ADPRHL1: variants seen among roughly 807,000 people sequenced by gnomAD.
The protein encoded by ADPRHL1 is inactive ADP-ribosyltransferase ARH2.
Under a neutral mutation model 44.1 loss-of-function variants are expected in ADPRHL1, and 43 were observed. The ratio of observed to expected loss-of-function variants is 0.98; its 90% CI spans 0.76 to 1.26. ADPRHL1 has a LOEUF of 1.26. Ranked by LOEUF, ADPRHL1 falls within the 50% of genes most tolerant of loss-of-function variation. The probability of loss-of-function intolerance (pLI) is 0.00; values close to 1 mark genes in which losing one functional copy is unlikely to be tolerated. For missense variants in ADPRHL1, 2,022 were observed against 2,496.9 expected (o/e 0.81, Z 4.05); for synonymous variants, 878 against 1,017.4 (o/e 0.86, Z 2.61).
intron 4 of ADPRHL1, among the ~76,000 whole-genome samples, chr13:113,428,191 C>A (rs2043980546): frequency 7.0e-6 from 1 of 142,592 alleles, no homozygotes; most frequent in Admixed American, 7.7e-5. Flanking sequence ...TTGCAGTGAG[C>A]TGAGATTGCA....
intron 4 of ADPRHL1, among the ~76,000 whole-genome samples, chr13:113,428,685 C>T (rs113796115): frequency 4.6e-5 from 7 of 152,238 alleles, no homozygotes; most frequent in Non-Finnish European, 1.0e-4. Context: ...CGGGTGGACC[C>T]GCCGGAGGCA....
intron 2 of ADPRHL1, among the ~76,000 whole-genome samples, chr13:113,437,654 C>A (rs1417543175): frequency 6.6e-6 from 1 of 152,204 alleles, no homozygotes; most frequent in Non-Finnish European, 1.5e-5. Context: ...CTTTTTATGG[C>A]TGAATAGCTC....
intron 1 of ADPRHL1, among the ~76,000 whole-genome samples, chr13:113,451,783 G>A (rs1165587964): frequency 6.6e-6 from 1 of 151,912 alleles, no homozygotes; most frequent in Non-Finnish European, 1.5e-5. Context: ...ACTCCAGCCT[G>A]GGCGATGGAG....
At chr13:113,421,338 C>CG (rs1300707775) in intron 7 of ADPRHL1, among the ~76,000 whole-genome samples, 7 of 144,724 alleles carry the variant, frequency 4.8e-5, no homozygotes, top group Non-Finnish European at 1.1e-4. Context: ...CGCCCACCCC[C>CG]GGGACACGCC....
rs1448593075 is a variant in ADPRHL1, at chr13:113,406,092, C to T, written c.3190G>A (p.Gly1064Ser). 9.7e-6 allele frequency: 12 copies of T among 1,232,022 alleles called. No homozygotes were observed. The highest frequency in any genetic ancestry group is 4.1e-5 in the South Asian group (1 of 24,324). 76.3% of individuals were successfully genotyped at this position (1,232,022 alleles called of 1,614,324 possible). A position where few individuals can be genotyped will look rare whatever the true frequency, so the allele number is the denominator to read the frequency against. ...GGCCTTCTGCATTCCTCCAGCGCAC[C>T]GGGCACTGTCATGCCCATCGGGGTG... The part of the protein sequence containing the change: ...GVTPMGMTVP[G>S]ALEECRRPLL... Residue 1064 changes from glycine to serine, a missense_variant, in exon 8 of 8, where the codon GGT (glycine) becomes AGT (serine). Transcript: ENST00000612156.
chr13:113,433,555 G>A (rs184308033), intron 3 of ADPRHL1, among the ~76,000 whole-genome samples, 187 bp downstream of exon 3: 17 of 152,252 alleles, frequency 1.1e-4, no homozygotes, highest in African/African-American at 3.4e-4. Context: ...CCAGTGTCCC[G>A]GGCAGGGCGC....
chr13:113,442,743 A>G (rs2044107762), intron 2 of ADPRHL1, among the ~76,000 whole-genome samples: 1 of 152,130 alleles, frequency 6.6e-6, no homozygotes, highest in African/African-American at 2.4e-5. Context: ...GTTTTCATCA[A>G]ATTTGGAACA....
At chr13:113,418,100 T>C (rs2043895789) in intron 7 of ADPRHL1, among the ~76,000 whole-genome samples, 1 of 152,134 alleles carries the variant, frequency 6.6e-6, no homozygotes, top group South Asian at 2.1e-4. Flanking sequence ...GGGAGAAGGC[T>C]TGAGTGTGGT....
chr13:113,432,074 T>C (rs1365401996), intron 3 of ADPRHL1, among the ~76,000 whole-genome samples: 1 of 152,034 alleles, frequency 6.6e-6, no homozygotes, highest in Non-Finnish European at 1.5e-5. Flanking sequence ...TTTAGAAATT[T>C]AAATTATTAA....
Position 113,406,543 on chromosome 13 carries a change from G to A in ADPRHL1, c.2739C>T (p.Ser913=), listed in dbSNP as rs936990810. Residue 913 remains serine, a synonymous_variant, in exon 8 of 8, where the codon AGC becomes AGT. Coordinates refer to ENST00000612156, the MANE Select transcript of ADPRHL1 (RefSeq NM_001394807.1). ...CCCGTGGCCCCTGCGGCGAAGAGGC[G>A]CTGAGTCCCGCCTGCATCCCTGAAA... is the stretch of plus-strand genomic sequence containing the variant. ...SKLSGMQAGL[S]ASSPQGPRAA... 60 of 1,231,908 alleles carry A rather than the reference G, an allele frequency of 4.9e-5. No homozygotes were observed. The highest frequency in any genetic ancestry group is 6.3e-5 in the East Asian group (2 of 31,716). The allele number at this position is 1,231,908 out of a possible 1,614,324, so 76.3% of individuals were successfully genotyped here.
At chr13:113,450,014 T>C (rs1430898270) in intron 1 of ADPRHL1, among the ~76,000 whole-genome samples, 2 of 152,144 alleles carry the variant, frequency 1.3e-5, no homozygotes, top group East Asian at 1.9e-4. Context: ...GTGAGGAGCA[T>C]GTGTGGAGGA....
chr13:113,447,661 C>G (rs1405957064), intron 1 of ADPRHL1, among the ~76,000 whole-genome samples: 1 of 152,176 alleles, frequency 6.6e-6, no homozygotes, highest in Non-Finnish European at 1.5e-5. Flanking sequence ...TGTTCATCAC[C>G]CCAGTTCTGA....
chr13:113,423,480 G>A (rs2043941763), intron 6 of ADPRHL1, among the ~76,000 whole-genome samples: 1 of 152,240 alleles, frequency 6.6e-6, no homozygotes. Context: ...AGCCGGCTCT[G>A]TGCAGAGGCT....
Position 113,402,257 on chromosome 13 carries a change from G to A in ADPRHL1, c.*1121C>T, listed in dbSNP as rs564302042. 1 of 152,344 alleles carries A rather than the reference G, an allele frequency of 6.6e-6. No individual in the cohort carries two copies. The highest frequency in any genetic ancestry group is 1.5e-5 in the Non-Finnish European group (1 of 68,034). The allele number at this position is 152,344 out of a possible 1,614,324, so 9.4% of individuals were successfully genotyped here. ...CGAGTGGCCTGGGACGATGGATCGC[G>A]ACACGGAGGTGCATGGCTCCATCAT... On this transcript the variant is annotated 3_prime_UTR_variant, in exon 8 of 8. Coordinates refer to ENST00000612156, the MANE Select transcript of ADPRHL1 (RefSeq NM_001394807.1).
intron 4 of ADPRHL1, among the ~76,000 whole-genome samples, chr13:113,427,260 C>T (rs1173687617): frequency 6.6e-6 from 1 of 152,222 alleles, no homozygotes; most frequent in African/African-American, 2.4e-5. Context: ...GGAGAACATT[C>T]GTTAATATAC....
intron 2 of ADPRHL1, among the ~76,000 whole-genome samples, chr13:113,434,283 A>G (rs942707457): frequency 1.3e-5 from 2 of 151,998 alleles, no homozygotes; most frequent in African/African-American, 4.8e-5. Flanking sequence ...GGGTGAACAT[A>G]GGTGTACCCC....
At position 113,406,916 on chromosome 13, in the gene ADPRHL1, T is replaced by C; in HGVS notation, c.2366A>G (p.Asp789Gly). The C allele has an allele frequency of 1.6e-6, 2 of 1,232,154 alleles. No homozygotes were observed. Among genetic ancestry groups the C allele is most frequent in the Non-Finnish European group, 2.0e-6 (2 of 988,084 alleles). The allele number at this position is 1,232,154 out of a possible 1,614,324, so 76.3% of individuals were successfully genotyped here. Residue 789 changes from aspartate (D) to glycine (G), a missense_variant, in exon 8 of 8, where the codon GAT (aspartate) becomes GGT (glycine). This residue lies in a region of ADPRHL1 where 1,221 missense variants were observed against 1,517.8 expected (regional missense o/e 0.80). Transcript: ENST00000612156. ...EITMTVCSSE[D>G]EREGAGFPDP... Reference sequence around the variant, plus strand: ...TGGGAAGCCTGCTCCTTCCCTTTCATCCTCTGAACTGCAAACAGTCATGGT... The same window carrying C: ...TGGGAAGCCTGCTCCTTCCCTTTCACCCTCTGAACTGCAAACAGTCATGGT...
intron 1 of ADPRHL1, among the ~76,000 whole-genome samples, chr13:113,450,954 C>CT (rs943607434): frequency 2.2e-5 from 3 of 136,108 alleles, no homozygotes; most frequent in Non-Finnish European, 3.2e-5. Flanking sequence ...AAAGGGAGAC[C>CT]CCCCCCCCCT....
rs1034786844 is a variant in ADPRHL1 at position 113,441,444 on chromosome 13, T to C, written c.379+2981A>G. On this transcript the variant is annotated intron_variant, in intron 2 of 7. Transcript: ENST00000612156. This position sits in a 1 kb window ranked among gnomAD's most constrained non-coding sequence, Gnocchi z 6.0. The stretch of plus-strand genomic sequence containing the variant: ...ATTTCAGCGGTGGCTTTTGGGTTCA[T>C]GGTGTCCGTCTGCAGCTCGTTACAG... 1.8e-4 allele frequency among the ~76,000 whole-genome samples: 27 copies of C among 152,184 alleles called. No homozygotes were observed. Among genetic ancestry groups the C allele is most frequent in the African/African-American group, 6.5e-4 (27 of 41,452 alleles).
Sources: allele counts gnomAD v4.1 joint callset (sites outside exome capture counted in the v4.1 genomes callset), GRCh38; gene constraint gnomAD v4.1.1; regional missense constraint gnomAD v4.1.1; non-coding constraint Gnocchi (gnomAD v3.1); transcripts MANE v1.5; gene names NCBI Gene and HGNC (gene_info 2026-07-23, HGNC 2026-07-21).